TANC2: variants seen among roughly 807,000 people sequenced by gnomAD.
TANC2 encodes tetratricopeptide repeat, ankyrin repeat and coiled-coil containing 2, also known as protein TANC2.
Under a neutral mutation model 210.5 loss-of-function variants are expected in TANC2, and 26 were observed. The observed-to-expected ratio is 0.12, with a 90% CI of 0.09 to 0.17. TANC2 has a LOEUF of 0.17. Among genes scored for constraint, TANC2 ranks in the 10% least tolerant of loss-of-function variants. TANC2 has a pLI of 1.00. For synonymous variants in TANC2, 931 were observed against 967.1 expected (o/e 0.96, Z 0.69); for missense variants, 2,129 against 2,608.9 (o/e 0.82, Z 4.01).
chr17:63,011,216 T>G (rs1055214716), intron 2 of TANC2, among the ~76,000 whole-genome samples: 3 of 151,932 alleles, frequency 2.0e-5, no homozygotes, highest in Admixed American at 2.0e-4. Context: ...TATGTTTTTT[T>G]TTGTTGTTTT....
intron 14 of TANC2, among the ~76,000 whole-genome samples, chr17:63,370,424 C>T (rs537565940): frequency 1.3e-5 from 2 of 151,986 alleles, no homozygotes; most frequent in South Asian, 2.1e-4. Context: ...GTGATCCGCC[C>T]GCCTCGGCCT....
At chr17:63,300,390 TG>T (rs1467791184) in intron 9 of TANC2, among the ~76,000 whole-genome samples, 1 of 152,224 alleles carries the variant, frequency 6.6e-6, no homozygotes, top group East Asian at 1.9e-4. Context: ...GCCATTTTCA[TG>T]ATATTGATTC....
intron 1 of TANC2, among the ~76,000 whole-genome samples, chr17:62,991,070 A>G (rs1207597952): frequency 3.3e-5 from 5 of 152,120 alleles, no homozygotes; most frequent in African/African-American, 1.2e-4. Flanking sequence ...CCGCCTTGGT[A>G]TAGTTGGAAT....
intron 17 of TANC2, among the ~76,000 whole-genome samples, chr17:63,392,497 G>T (rs1469619694): frequency 6.6e-6 from 1 of 152,132 alleles, no homozygotes; most frequent in Admixed American, 6.5e-5. Context: ...CCTCAAAAGA[G>T]CTTGAGAAGC....
intron 4 of TANC2, among the ~76,000 whole-genome samples, chr17:63,103,403 A>G (rs144378325): frequency 6.6e-6 from 1 of 152,328 alleles, no homozygotes; most frequent in Admixed American, 6.5e-5. Flanking sequence ...CTTGAAAACT[A>G]ATTTTTAAAT....
intron 4 of TANC2, among the ~76,000 whole-genome samples, chr17:63,133,017 A>C (rs1055503019): frequency 3.9e-5 from 6 of 152,162 alleles, no homozygotes; most frequent in African/African-American, 1.4e-4. Context: ...TCTGTCTCTC[A>C]GGCTGGAGGG....
chr17:62,973,016 A>G (rs898028375), intron 1 of TANC2, among the ~76,000 whole-genome samples: 4 of 149,572 alleles, frequency 2.7e-5, no homozygotes, highest in East Asian at 2.0e-4. Flanking sequence ...CTTGGTGTAT[A>G]TAGTAGTTGC....
At chr17:63,413,932 G>A (rs1278193573) in intron 25 of TANC2, among the ~76,000 whole-genome samples, 1 of 152,124 alleles carries the variant, frequency 6.6e-6, no homozygotes, top group Non-Finnish European at 1.5e-5. Flanking sequence ...AAACTCATGA[G>A]ACAAGTCAAA....
chr17:63,161,254 TG>T (rs2040015437), intron 5 of TANC2, among the ~76,000 whole-genome samples: 1 of 151,940 alleles, frequency 6.6e-6, no homozygotes, highest in African/African-American at 2.4e-5. Context: ...CCCAGCTACT[TG>T]GGGGGTTGAG....
intron 9 of TANC2, among the ~76,000 whole-genome samples, chr17:63,300,548 A>T (rs2044678938): frequency 6.6e-6 from 1 of 152,090 alleles, no homozygotes; most frequent in South Asian, 2.1e-4. Context: ...GTGATTGTGA[A>T]TGGGAGTTCA....
At chr17:63,378,238 G>T (rs1297885092) in intron 14 of TANC2, among the ~76,000 whole-genome samples, 1 of 152,056 alleles carries the variant, frequency 6.6e-6, no homozygotes, top group Non-Finnish European at 1.5e-5. Flanking sequence ...ATTTTTATAT[G>T]CAGTAGACTA....
At chr17:63,154,058 C>G (rs1279053141) in intron 5 of TANC2, 1 of 152,012 alleles carries the variant, frequency 6.6e-6, no homozygotes, top group Non-Finnish European at 1.5e-5. Context: ...TTTACTGTTC[C>G]TCAAGTTACA....
intron 12 of TANC2, among the ~76,000 whole-genome samples, chr17:63,346,392 T>G (rs940863064): frequency 6.6e-5 from 10 of 152,216 alleles, no homozygotes; most frequent in African/African-American, 2.4e-4. Context: ...AGCACTTGTA[T>G]CTACGATACA....
intron 13 of TANC2, 81 bp from the exon 14 acceptor site, chr17:63,354,702 T>A: frequency 3.3e-6 from 5 of 1,496,852 alleles, no homozygotes; most frequent in Non-Finnish European, 4.5e-6. Flanking sequence ...TCAGAATACA[T>A]TTGTGAACCT....
chr17:63,126,626 CT>C (rs1197455664), intron 4 of TANC2, among the ~76,000 whole-genome samples: 1 of 152,016 alleles, frequency 6.6e-6, no homozygotes, highest in African/African-American at 2.4e-5. Flanking sequence ...CCAGGCTGGT[CT>C]TGAATTCCTA....
chr17:63,118,875 C>T (rs145562333), intron 4 of TANC2, among the ~76,000 whole-genome samples: 4,453 of 151,776 alleles, frequency 0.029, 81 homozygotes, highest in South Asian at 0.037. Context: ...CTCTGCCTCC[C>T]GGGTTCACAC....
intron 7 of TANC2, among the ~76,000 whole-genome samples, chr17:63,201,795 A>G (rs1334019706): frequency 2.8e-5 from 4 of 142,890 alleles, no homozygotes; most frequent in African/African-American, 8.4e-5. Context: ...CTAGGTAAAC[A>G]TTTCATCAGA....
chr17:63,289,214 T>TA (rs2044312426), intron 9 of TANC2, among the ~76,000 whole-genome samples: 1 of 152,172 alleles, frequency 6.6e-6, no homozygotes, highest in Non-Finnish European at 1.5e-5. Context: ...TGCTGTCTGA[T>TA]ATTAATTTGG....
chr17:63,218,466 A>T (rs545269950), intron 7 of TANC2, among the ~76,000 whole-genome samples: 3 of 152,288 alleles, frequency 2.0e-5, no homozygotes, highest in Admixed American at 6.5e-5. Flanking sequence ...GGCAGTCTCA[A>T]TCAGTGAAAT....
Sources: allele counts gnomAD v4.1 joint callset (sites outside exome capture counted in the v4.1 genomes callset), GRCh38; gene constraint gnomAD v4.1.1; transcripts MANE v1.5; gene names NCBI Gene and HGNC (gene_info 2026-07-23, HGNC 2026-07-21).